The following IMMP2L variants were observed in gnomAD, a reference collection of about 807,000 sequenced individuals.
IMMP2L encodes the protein mitochondrial inner membrane protease subunit 2.
IMMP2L carries 18 observed loss-of-function variants against 19.3 expected under a neutral mutation model. That is an observed-to-expected ratio of 0.93 (90% CI 0.64 to 1.38). IMMP2L has a LOEUF of 1.38. Among genes scored for constraint, IMMP2L ranks in the 40% most tolerant of loss-of-function variants. The probability of loss-of-function intolerance (pLI) is 0.00; values close to 1 mark genes in which losing one functional copy is unlikely to be tolerated. For missense variants in IMMP2L, 233 were observed against 218.2 expected, an observed-to-expected ratio of 1.07 and a Z score of -0.43; for synonymous variants, 76 against 73.0, an observed-to-expected ratio of 1.04 and a Z score of -0.21.
At chr7:111,493,736 G>A (rs1219439489) in intron 2 of IMMP2L, among the ~76,000 whole-genome samples, 15 of 122,470 alleles carry the variant, frequency 1.2e-4, no homozygotes, top group East Asian at 5.3e-4. Context: ...GGCCGGTCAC[G>A]GTGGTTCACG....
At chr7:111,052,440 A>C (rs1793090210) in intron 3 of IMMP2L, among the ~76,000 whole-genome samples, 1 of 152,208 alleles carries the variant, frequency 6.6e-6, no homozygotes, top group South Asian at 2.1e-4. Flanking sequence ...TCAACTCTTT[A>C]GGCAAAGCTT....
intron 3 of IMMP2L, among the ~76,000 whole-genome samples, chr7:111,074,206 A>T (rs550270796): frequency 6.6e-6 from 1 of 152,354 alleles, no homozygotes; most frequent in African/African-American, 2.4e-5. Flanking sequence ...CTAATACGTT[A>T]AATTGAAGTC....
chr7:110,881,355 C>T (rs1809612650), intron 5 of IMMP2L, among the ~76,000 whole-genome samples: 1 of 152,096 alleles, frequency 6.6e-6, no homozygotes, highest in African/African-American at 2.4e-5. Flanking sequence ...CAGGTTCCAG[C>T]ACTGTTTATG....
At chr7:110,857,088 C>A (rs1650927697) in intron 5 of IMMP2L, among the ~76,000 whole-genome samples, 1 of 152,048 alleles carries the variant, frequency 6.6e-6, no homozygotes, top group East Asian at 1.9e-4. Flanking sequence ...ATCATTAAGG[C>A]TTTTGGGATA....
chr7:110,730,199 A>G lies in IMMP2L; in HGVS notation c.409-66478T>C, dbSNP rs1258604454. ...TATGAGGGTGCTGCCAAAGGAAATT[A>G]ACATTTGAGTCAGTGGACTGGGAGA... On this transcript the variant is annotated intron_variant, in intron 5 of 5. Transcript: ENST00000405709. Among the ~76,000 whole-genome samples, 6 of 152,242 alleles carry G rather than the reference A, an allele frequency of 3.9e-5. No homozygotes were observed. In the East Asian group the frequency reaches 1.2e-3, roughly 29 times the overall value.
At chr7:110,684,995 T>C (rs764599107) in intron 5 of IMMP2L, among the ~76,000 whole-genome samples, 16 of 152,240 alleles carry the variant, frequency 1.1e-4, no homozygotes, top group Non-Finnish European at 1.9e-4. Context: ...TTTGCTTTTC[T>C]ACATCTCCTT....
chr7:111,341,288 T>C (rs545990655), intron 3 of IMMP2L, among the ~76,000 whole-genome samples: 2 of 152,240 alleles, frequency 1.3e-5, no homozygotes, highest in South Asian at 4.1e-4. Flanking sequence ...ATTTTATTCA[T>C]TTAACAAATA....
At chr7:111,251,571 G>A (rs1816129008) in intron 3 of IMMP2L, among the ~76,000 whole-genome samples, 1 of 152,094 alleles carries the variant, frequency 6.6e-6, no homozygotes, top group Non-Finnish European at 1.5e-5. Flanking sequence ...CCATAAAAAG[G>A]AAAAACATAA....
chr7:110,782,483 G>A lies in IMMP2L; in HGVS notation c.408+104110C>T, dbSNP rs138199726. 1.1e-4 allele frequency among the ~76,000 whole-genome samples: 17 copies of A among 152,022 alleles called. No individual in the cohort carries two copies. In the East Asian group the frequency reaches 2.9e-3, roughly 26 times the overall value. On this transcript the variant is annotated intron_variant, in intron 5 of 5. Transcript: ENST00000405709. Reference sequence around the variant, plus strand: ...GCCTTATTGGTAGAGGTGGGGGACAGATGGAAAGGCACCTCTATGAACCAC... The same window carrying A: ...GCCTTATTGGTAGAGGTGGGGGACAAATGGAAAGGCACCTCTATGAACCAC...
intron 4 of IMMP2L, among the ~76,000 whole-genome samples, chr7:110,912,627 A>G (rs892210364): frequency 6.6e-6 from 1 of 151,884 alleles, no homozygotes; most frequent in Non-Finnish European, 1.5e-5. Context: ...TAATGGGGCA[A>G]TTTTACAAAG....
intron 3 of IMMP2L, among the ~76,000 whole-genome samples, chr7:111,190,569 T>G (rs1483528948): frequency 6.6e-6 from 1 of 152,104 alleles, no homozygotes; most frequent in Non-Finnish European, 1.5e-5. Flanking sequence ...TTAAAAATAC[T>G]TGCAAGAGTG....
intron 3 of IMMP2L, among the ~76,000 whole-genome samples, chr7:111,235,185 T>C (rs1814149142): frequency 6.6e-6 from 1 of 152,238 alleles, no homozygotes; most frequent in Middle Eastern, 3.4e-3. Flanking sequence ...AAATTCCACA[T>C]TGATGGCCTT....
chr7:110,744,235 C>G (rs1291634926), intron 5 of IMMP2L, among the ~76,000 whole-genome samples: 1 of 152,218 alleles, frequency 6.6e-6, no homozygotes, highest in Non-Finnish European at 1.5e-5. Flanking sequence ...GAAAAAAAGG[C>G]AGCAGCCCCA....
At chr7:111,001,917 G>T (rs1202160605) in intron 3 of IMMP2L, among the ~76,000 whole-genome samples, 1 of 152,002 alleles carries the variant, frequency 6.6e-6, no homozygotes, top group Non-Finnish European at 1.5e-5. Flanking sequence ...GGTAGTTAAA[G>T]GCTGCAAAAT....
intron 3 of IMMP2L, among the ~76,000 whole-genome samples, chr7:111,077,726 C>T (rs1462881398): frequency 6.6e-6 from 1 of 152,142 alleles, no homozygotes; most frequent in Admixed American, 6.5e-5. Flanking sequence ...TAATGGCTGC[C>T]CATTACAATT....
intron 5 of IMMP2L, among the ~76,000 whole-genome samples, chr7:110,713,825 C>T (rs1020983866): frequency 2.6e-5 from 4 of 151,960 alleles, no homozygotes; most frequent in Non-Finnish European, 4.4e-5. Flanking sequence ...TTTATCAGTT[C>T]CAGGAGGCTT....
At chr7:110,840,296 A>C (rs1349985512) in intron 5 of IMMP2L, among the ~76,000 whole-genome samples, 1 of 152,086 alleles carries the variant, frequency 6.6e-6, no homozygotes, top group Non-Finnish European at 1.5e-5. Flanking sequence ...ATACCTTTGT[A>C]AATAGTTTCC....
chr7:110,891,134 C>G (rs1810748261), intron 4 of IMMP2L, among the ~76,000 whole-genome samples: 1 of 151,564 alleles, frequency 6.6e-6, no homozygotes, highest in South Asian at 2.1e-4. Context: ...GATACTAGAT[C>G]CATGGTTTTC....
intron 3 of IMMP2L, among the ~76,000 whole-genome samples, chr7:111,326,564 A>G (rs1178364439): frequency 6.6e-6 from 1 of 151,852 alleles, no homozygotes; most frequent in Non-Finnish European, 1.5e-5. Flanking sequence ...AAGAAGACAT[A>G]AAAATGGCCA....
Sources: gnomAD v4.1 joint callset for allele counts (sites outside exome capture counted in the v4.1 genomes callset) on GRCh38, gnomAD v4.1.1 for gene constraint, MANE v1.5 for transcripts, NCBI Gene and HGNC (gene_info 2026-07-23, HGNC 2026-07-21) for gene names.